ATP2C2: variants seen among roughly 807,000 people sequenced by gnomAD.
The protein encoded by ATP2C2 is calcium-transporting ATPase type 2C member 2.
ATP2C2 carries 171 observed loss-of-function variants against 110.8 expected under a neutral mutation model. The ratio of observed to expected loss-of-function variants is 1.54; its 90% CI spans 1.36 to 1.75. ATP2C2 has a LOEUF of 1.75. ATP2C2 is among the 40% of genes most tolerant of loss of function. The pLI is 0.00. For missense variants in ATP2C2, 1,963 were observed against 1,235.0 expected (o/e 1.59, Z -8.84); for synonymous variants, 804 against 508.4 (o/e 1.58, Z -7.82).
At chr16:84,441,194 A>T (rs545253780) in intron 14 of ATP2C2, among the ~76,000 whole-genome samples, 1 of 152,226 alleles carries the variant, frequency 6.6e-6, no homozygotes, top group Non-Finnish European at 1.5e-5. Flanking sequence ...GCACTTTGGG[A>T]GGCCAAGGCA....
intron 1 of ATP2C2, among the ~76,000 whole-genome samples, chr16:84,370,857 A>G (rs1349075435): frequency 6.6e-6 from 1 of 152,020 alleles, no homozygotes; most frequent in Non-Finnish European, 1.5e-5. Context: ...AGTGATTGTT[A>G]CTGAGAACTT....
At chr16:84,461,159 ATTGTTTGCTTTGG>A in intron 24 of ATP2C2, 1 of 273,604 alleles carries the variant, frequency 3.7e-6, no homozygotes, top group African/African-American at 2.2e-5. Context: ...TCTAGAGGTG[ATTGTTTGCTTTGG>A]ATCTAGGCCT....
chr16:84,387,293 G>C (rs189950324), intron 1 of ATP2C2, among the ~76,000 whole-genome samples: 4 of 152,074 alleles, frequency 2.6e-5, no homozygotes, highest in Non-Finnish European at 5.9e-5. Flanking sequence ...AGGCCCAGGC[G>C]AGTGGATCAC....
At chr16:84,384,468 C>T (rs1451938548) in intron 1 of ATP2C2, among the ~76,000 whole-genome samples, 1 of 152,154 alleles carries the variant, frequency 6.6e-6, no homozygotes, top group Non-Finnish European at 1.5e-5. Flanking sequence ...TTGGGAGGCC[C>T]ACCCAGCTGT....
chr16:84,404,898 C>A, intron 2 of ATP2C2: 1 of 614,590 alleles, frequency 1.6e-6, no homozygotes, highest in South Asian at 1.5e-5. Flanking sequence ...AAATTTAAGA[C>A]CAGAGTCGTC....
At chr16:84,371,908 A>G (rs1446921649) in intron 1 of ATP2C2, among the ~76,000 whole-genome samples, 1 of 152,232 alleles carries the variant, frequency 6.6e-6, no homozygotes, top group Non-Finnish European at 1.5e-5. Flanking sequence ...ACCCTCAGGT[A>G]TCCCAACCAG....
At chr16:84,463,300 C>T (rs909324569) in intron 26 of ATP2C2, among the ~76,000 whole-genome samples, 2 of 152,154 alleles carry the variant, frequency 1.3e-5, no homozygotes, top group African/African-American at 2.4e-5. Flanking sequence ...CAGCAGGGCA[C>T]TGGGACAGCT....
At chr16:84,463,561 G>A in intron 26 of ATP2C2, 53 bp from the exon 27 acceptor site, 1 of 1,501,710 alleles carries the variant, frequency 6.7e-7, no homozygotes, top group African/African-American at 1.4e-5. Flanking sequence ...CTTCCTGCCG[G>A]CGCAACAGAG....
In ATP2C2 at chr16:84,439,538, G is replaced by A; in HGVS notation, c.1209+14G>A. The A allele has an allele frequency of 6.2e-7, 1 of 1,612,392 alleles. No individual in the cohort carries two copies. The highest frequency in any genetic ancestry group is 8.5e-7 in the Non-Finnish European group (1 of 1,178,454). ...CTTCGTGCCGAGGTGAGTGCCAAAG[G>A]AATTTACAAGCCTTAAGGATGCACC... On this transcript the variant is annotated intron_variant, in intron 13 of 26. Transcript: ENST00000262429.
chr16:84,422,538 A>G lies in ATP2C2; in HGVS notation c.773A>G (p.Gln258Arg). 6.2e-7 allele frequency: 1 copy of G among 1,613,842 alleles called. No homozygotes were observed. Among genetic ancestry groups the G allele is most frequent in the Non-Finnish European group, 8.5e-7 (1 of 1,179,882 alleles). Residue 258 changes from glutamine to arginine, a missense_variant and splice_region_variant, in exon 8 of 27, where the codon CAG becomes CGG. Gln to Arg is a conservative substitution (Grantham distance 43). Transcript: ENST00000262429. ...MGTLVQYGRG[Q>R]GVVIGTGESS... ...ACCCTGGTGCAGTATGGGAGGGGCC[A>G]GGTAAGCCCTGGGACACCGAGGCCT...
chr16:84,370,670 A>G (rs1597720893), intron 1 of ATP2C2, among the ~76,000 whole-genome samples: 1 of 122,292 alleles, frequency 8.2e-6, no homozygotes, highest in African/African-American at 3.4e-5. Context: ...AATAGTTGGA[A>G]TTGTCTTTTT....
At chr16:84,415,135 G>T (rs1182763990) in intron 6 of ATP2C2, among the ~76,000 whole-genome samples, 1 of 152,130 alleles carries the variant, frequency 6.6e-6, no homozygotes, top group Admixed American at 6.5e-5. Flanking sequence ...CACCCTGAGT[G>T]CTGTGTGCTC....
In ATP2C2 at chr16:84,462,075, A is replaced by T; in HGVS notation, c.2668A>T (p.Ile890Phe). The change falls in exon 26 of 27, where the codon ATT becomes TTT. Residue 890 changes from isoleucine to phenylalanine, a missense_variant. Ile to Phe is a conservative substitution (Grantham distance 21, BLOSUM62 0). Coordinates refer to ENST00000262429, the MANE Select transcript of ATP2C2 (RefSeq NM_014861.4). ...LGSILGQLAV[I>F]YIPPLQRVFQ... ...GTCCATCCTGGGGCAGCTGGCGGTC[A>T]TTTACATCCCCCCGCTGCAGAGGGT... 4.3e-6 allele frequency: 7 copies of T among 1,613,976 alleles called. No individual in the cohort carries two copies. Among genetic ancestry groups the T allele is most frequent in the Middle Eastern group, 3.3e-4 (2 of 6,060 alleles).
At chr16:84,406,574 C>A in intron 3 of ATP2C2, 1 of 985,498 alleles carries the variant, frequency 1.0e-6, no homozygotes, top group Non-Finnish European at 1.2e-6. Context: ...AGGTCCCCTC[C>A]CTGATCAAGG....
chr16:84,403,541 C>T (rs186451327), intron 2 of ATP2C2, among the ~76,000 whole-genome samples: 1 of 152,144 alleles, frequency 6.6e-6, no homozygotes. Flanking sequence ...CTCCTGGGTT[C>T]AAGCAATCTC....
At chr16:84,461,089 C>A (rs1470901685) in intron 24 of ATP2C2, 4 of 422,166 alleles carry the variant, frequency 9.5e-6, no homozygotes, top group African/African-American at 7.9e-5. Flanking sequence ...CAGGCTGCCC[C>A]CTGTTCCCTT....
Position 84,425,736 on chromosome 16 carries a change from T to A in ATP2C2, c.921T>A (p.Gly307=). The change falls in exon 11 of 27, where the codon GGT becomes GGA. Residue 307 remains glycine, a splice_region_variant and synonymous_variant. Coordinates refer to ENST00000262429, the MANE Select transcript of ATP2C2 (RefSeq NM_014861.4). The part of the protein sequence containing the change: ...QLTLFSFGII[G]LIMLIGWSQG... The stretch of plus-strand genomic sequence containing the variant: ...AGGATGTTTTTGTCTCTTCCCCAGG[T>A]CTCATCATGCTCATTGGCTGGTCGC... The A allele has an allele frequency of 2.5e-6, 4 of 1,614,028 alleles. No homozygotes were observed. Among genetic ancestry groups the A allele is most frequent in the Non-Finnish European group, 3.4e-6 (4 of 1,179,964 alleles).
At chr16:84,409,645 AC>A (rs1906095159) in intron 4 of ATP2C2, among the ~76,000 whole-genome samples, 1 of 152,064 alleles carries the variant, frequency 6.6e-6, no homozygotes. Context: ...GGTGCCCGCC[AC>A]CACTCCTGGT....
intron 26 of ATP2C2, chr16:84,463,149 C>T (rs934575178): frequency 6.0e-6 from 1 of 167,530 alleles, no homozygotes; most frequent in African/African-American, 2.4e-5. Flanking sequence ...AGGGATGGTT[C>T]CTCAAAACAG....
Sources: allele counts gnomAD v4.1 joint callset (sites outside exome capture counted in the v4.1 genomes callset), GRCh38; gene constraint gnomAD v4.1.1; transcripts MANE v1.5; gene names NCBI Gene and HGNC (gene_info 2026-07-23, HGNC 2026-07-21).